KLHL24: variants seen among roughly 807,000 people sequenced by gnomAD.
The protein encoded by KLHL24 is kelch like family member 24.
In KLHL24, 29 loss-of-function variants were observed where a neutral mutation model predicts 53.4. The ratio of observed to expected loss-of-function variants is 0.54; its 90% CI spans 0.40 to 0.74. The LOEUF (loss-of-function observed/expected upper bound fraction) is 0.74. KLHL24 is among the 30% of genes least tolerant of loss of function. The pLI, the probability that KLHL24 is intolerant of heterozygous loss-of-function variation, is 0.00. For synonymous variants in KLHL24, 222 were observed against 253.7 expected, an observed-to-expected ratio of 0.88 and a Z score of 1.19; for missense variants, 504 against 744.0, an observed-to-expected ratio of 0.68 and a Z score of 3.75.
At chr3:183,658,929 G>A (rs1487753301) in intron 3 of KLHL24, among the ~76,000 whole-genome samples, 3 of 151,162 alleles carry the variant, frequency 2.0e-5, no homozygotes, top group South Asian at 2.1e-4. Flanking sequence ...CCTCTCTCTC[G>A]AGTAGCTGGA....
At position 183,679,719 on chromosome 3, in the gene KLHL24, G is replaced by A. The variant is rs9856997; in HGVS notation, c.*433G>A. On this transcript the variant is annotated 3_prime_UTR_variant, in exon 8 of 8. Transcript: ENST00000242810. ...TTAGGTTGAAGAAGTTAATGCTTAG[G>A]ATGCATTCTAGGAGAAAAAATCAGT... is the stretch of plus-strand genomic sequence containing the variant. 51,096 of 155,362 alleles carry A rather than the reference G, an allele frequency of 0.33. 9,194 individuals are homozygous for A. The highest frequency in any genetic ancestry group is 0.47 in the African/African-American group (19,692 of 41,478). The allele number at this position is 155,362 out of a possible 1,614,324, so 9.6% of individuals were successfully genotyped here.
chr3:183,677,757 G>A (rs1712136974), intron 7 of KLHL24, among the ~76,000 whole-genome samples: 1 of 152,074 alleles, frequency 6.6e-6, no homozygotes, highest in Non-Finnish European at 1.5e-5. Context: ...ATGTAATAGT[G>A]AATCAGTTGT....
In KLHL24 at chr3:183,671,175, CTGTT is replaced by C. The variant is rs780153596; in HGVS notation, c.1370_1373del (p.Phe457Ter). 3.1e-6 allele frequency: 5 copies of C among 1,613,916 alleles called. No homozygotes were observed. The highest frequency in any genetic ancestry group is 1.3e-5 in the African/African-American group (1 of 74,892). Reference sequence around the variant, plus strand: ...TGCAGTGACTAGCTGTGTAGGCAAACTGTTTGTGATTGGTGGAGGACCTGATGAT... The same window carrying C: ...TGCAGTGACTAGCTGTGTAGGCAAACTGTGATTGGTGGAGGACCTGATGAT... On this transcript the variant is annotated frameshift_variant, in exon 6 of 8. Coordinates refer to ENST00000242810, the MANE Select transcript of KLHL24 (RefSeq NM_017644.3). LOFTEE classifies it high-confidence loss of function.
intron 7 of KLHL24, among the ~76,000 whole-genome samples, chr3:183,674,261 TTCTTTC>T (rs1379591278): frequency 3.4e-5 from 5 of 149,056 alleles, no homozygotes; most frequent in African/African-American, 1.0e-4. Context: ...CTTTCTTTCT[TTCTTTC>T]TTTCTTTCTT....
chr3:183,678,897 C>T (rs62288765), intron 7 of KLHL24, among the ~76,000 whole-genome samples, 189 bp from the exon 8 acceptor site: 3,849 of 151,114 alleles, frequency 0.025, 55 homozygotes, highest in Non-Finnish European at 0.035. Context: ...TCTTGAAATT[C>T]ATTTCATTCA....
chr3:183,667,414 G>A (rs1720726700), intron 5 of KLHL24, among the ~76,000 whole-genome samples: 2 of 152,200 alleles, frequency 1.3e-5, no homozygotes, highest in Admixed American at 1.3e-4. Flanking sequence ...AGCAGTAGGT[G>A]AGCAGCCACT....
At chr3:183,653,289 CT>C (rs35395030) in intron 3 of KLHL24, among the ~76,000 whole-genome samples, 50,882 of 152,018 alleles carry the variant, frequency 0.33, 9,367 homozygotes, top group African/African-American at 0.49. Context: ...CTGCTATCAC[CT>C]TCTGTCCCTT....
At chr3:183,637,618 T>C (rs976395379) in intron 1 of KLHL24, among the ~76,000 whole-genome samples, 2 of 152,210 alleles carry the variant, frequency 1.3e-5, no homozygotes, top group African/African-American at 2.4e-5. Context: ...TCTGCAGATA[T>C]AGGAATTCAC....
chr3:183,681,720 A>G lies in KLHL24; in HGVS notation c.*2434A>G, dbSNP rs1712693935. 1 of 152,432 alleles carries G rather than the reference A, an allele frequency of 6.6e-6. No homozygotes were observed. Among genetic ancestry groups the G allele is most frequent in the Non-Finnish European group, 1.5e-5 (1 of 67,912 alleles). 9.4% of individuals were successfully genotyped at this position (152,432 alleles called of 1,614,324 possible). Reference sequence around the variant, plus strand: ...TTTTAATATTTATCTTCCTTTACTAATTCTTGATAAATAATAGCATTAGAC... The same window carrying G: ...TTTTAATATTTATCTTCCTTTACTAGTTCTTGATAAATAATAGCATTAGAC... On this transcript the variant is annotated 3_prime_UTR_variant, in exon 8 of 8. Transcript: ENST00000242810.
chr3:183,668,352 A>G (rs1212662435), intron 5 of KLHL24, among the ~76,000 whole-genome samples: 1 of 152,150 alleles, frequency 6.6e-6, no homozygotes, highest in Non-Finnish European at 1.5e-5. Flanking sequence ...AAAATAGTGT[A>G]CTTGACTTGA....
intron 7 of KLHL24, among the ~76,000 whole-genome samples, chr3:183,677,932 C>T (rs1712180445): frequency 6.6e-6 from 1 of 152,144 alleles, no homozygotes; most frequent in Non-Finnish European, 1.5e-5. Context: ...GTAGGGATTA[C>T]AAGCACCCCC....
At chr3:183,671,493 T>G (rs1721318212) in intron 6 of KLHL24, among the ~76,000 whole-genome samples, 3 of 152,222 alleles carry the variant, frequency 2.0e-5, no homozygotes. Context: ...GTTCTGAGCC[T>G]TTGCTGTCAT....
At position 183,683,385 on chromosome 3, in the gene KLHL24, T is replaced by C. The variant is rs543665950; in HGVS notation, c.*4099T>C. On this transcript the variant is annotated 3_prime_UTR_variant, in exon 8 of 8. Coordinates refer to ENST00000242810, the MANE Select transcript of KLHL24 (RefSeq NM_017644.3). ...TGGCCTTATTAGAATTTGTTGTGCA[T>C]CTTATTGAAAGCCAGGTTTACATCA... The C allele has an allele frequency of 6.5e-6, 1 of 152,734 alleles. No individual in the cohort carries two copies. The highest frequency in any genetic ancestry group is 2.1e-4 in the South Asian group (1 of 4,824). 9.5% of individuals were successfully genotyped at this position (152,734 alleles called of 1,614,324 possible).
chr3:183,672,157 A>G, intron 6 of KLHL24, 139 bp from the exon 7 acceptor site: 1 of 453,954 alleles, frequency 2.2e-6, no homozygotes, highest in Non-Finnish European at 3.8e-6. Flanking sequence ...ACATTTCACT[A>G]TCAGGCTAAC....
At chr3:183,649,873 G>C (rs1408927047) in intron 2 of KLHL24, among the ~76,000 whole-genome samples, 1 of 152,156 alleles carries the variant, frequency 6.6e-6, no homozygotes, top group Non-Finnish European at 1.5e-5. Context: ...TCCAAACTTG[G>C]TGACAGAGTG....
intron 7 of KLHL24, among the ~76,000 whole-genome samples, chr3:183,678,137 T>C (rs2108903429): frequency 6.6e-6 from 1 of 152,332 alleles, no homozygotes; most frequent in Middle Eastern, 3.4e-3. Context: ...CAAGAATATT[T>C]GTTTTATATA....
Position 183,663,497 on chromosome 3 carries a change from A to T in KLHL24, c.960A>T (p.Gly320=), listed in dbSNP as rs374738466. 3.2e-6 allele frequency: 5 copies of T among 1,577,868 alleles called. No homozygotes were observed. In the East Asian group the frequency reaches 1.1e-4, roughly 36 times the overall value. ...GYSEVIVVVG[G]CERVGGFNLP... Reference sequence around the variant, plus strand: ...CTGAGGTGATAGTTGTCGTTGGAGGATGTGAGCGAGTTGGAGGATTTAATC... The same window carrying T: ...CTGAGGTGATAGTTGTCGTTGGAGGTTGTGAGCGAGTTGGAGGATTTAATC... The change falls in exon 4 of 8, where the codon GGA becomes GGT. Residue 320 remains glycine, a synonymous_variant. Coordinates refer to ENST00000242810, the MANE Select transcript of KLHL24 (RefSeq NM_017644.3). This position sits in a 1 kb window ranked among gnomAD's most constrained non-coding sequence, Gnocchi z 4.9.
intron 7 of KLHL24, among the ~76,000 whole-genome samples, chr3:183,674,657 G>A (rs970978669): frequency 6.6e-6 from 1 of 152,174 alleles, no homozygotes; most frequent in Admixed American, 6.5e-5. Context: ...ACCATGCCCA[G>A]CCTATTATTT....
intron 4 of KLHL24, 26 bp from the exon 5 acceptor site, chr3:183,664,895 G>A (rs369329736): frequency 2.0e-5 from 26 of 1,317,970 alleles, no homozygotes; most frequent in Admixed American, 8.6e-5. Context: ...ATAAATTATC[G>A]TGTGTGCATT....
Sources: gnomAD v4.1 joint callset for allele counts (sites outside exome capture counted in the v4.1 genomes callset) on GRCh38, gnomAD v4.1.1 for gene constraint, Gnocchi (gnomAD v3.1) non-coding constraint, MANE v1.5 for transcripts, NCBI Gene and HGNC (gene_info 2026-07-23, HGNC 2026-07-21) for gene names.